The following PAPPA2 variants were observed in gnomAD, a reference collection of about 807,000 sequenced individuals.
PAPPA2 encodes pappalysin-2.
PAPPA2 carries 86 observed loss-of-function variants against 176.4 expected under a neutral mutation model. That is an observed-to-expected ratio of 0.49 (90% confidence interval 0.41 to 0.58). The LOEUF (loss-of-function observed/expected upper bound fraction) is 0.58. PAPPA2 is among the 20% of genes least tolerant of loss of function. PAPPA2 has a pLI of 0.00. For missense variants in PAPPA2, 2,073 were observed against 2,256.9 expected (o/e 0.92, Z 1.65); for synonymous variants, 809 against 852.2 (o/e 0.95, Z 0.88).
chr1:176,586,520 C>A (rs1653320996), intron 2 of PAPPA2, among the ~76,000 whole-genome samples: 1 of 152,126 alleles, frequency 6.6e-6, no homozygotes, highest in Admixed American at 6.5e-5. Flanking sequence ...TCAGCTCCCA[C>A]ATATGAGTGA....
chr1:176,639,226 C>A (rs1341244619), intron 3 of PAPPA2, among the ~76,000 whole-genome samples: 2 of 151,888 alleles, frequency 1.3e-5, no homozygotes, highest in South Asian at 2.1e-4. Context: ...GTTGACCCCC[C>A]TTTTTGTTCC....
At chr1:176,540,366 C>G (rs1042912554) in intron 1 of PAPPA2, among the ~76,000 whole-genome samples, 3 of 152,228 alleles carry the variant, frequency 2.0e-5, no homozygotes, top group African/African-American at 7.2e-5. Context: ...TCAAAAATCA[C>G]TCTGTCTTTG....
chr1:176,670,146 T>C (rs889191962), intron 3 of PAPPA2, among the ~76,000 whole-genome samples: 1 of 152,200 alleles, frequency 6.6e-6, no homozygotes, highest in Non-Finnish European at 1.5e-5. Flanking sequence ...TGGTAAAGTT[T>C]TAAGTTTCAC....
At chr1:176,620,804 G>A (rs1655550734) in intron 3 of PAPPA2, among the ~76,000 whole-genome samples, 1 of 152,192 alleles carries the variant, frequency 6.6e-6, no homozygotes, top group Non-Finnish European at 1.5e-5. Flanking sequence ...AAATCTGTGA[G>A]TGGCTTAGCT....
intron 3 of PAPPA2, among the ~76,000 whole-genome samples, chr1:176,608,148 T>A (rs1258581894): frequency 6.6e-6 from 1 of 152,198 alleles, no homozygotes; most frequent in African/African-American, 2.4e-5. Flanking sequence ...TTTCTTACAA[T>A]GGGAATCTAC....
chr1:176,782,760 T>G (rs1311963278), intron 17 of PAPPA2, among the ~76,000 whole-genome samples: 1 of 152,196 alleles, frequency 6.6e-6, no homozygotes, highest in East Asian at 1.9e-4. Context: ...CAGAAGCAAT[T>G]GAAATATTCT....
intron 2 of PAPPA2, among the ~76,000 whole-genome samples, chr1:176,586,739 G>A (rs1191058197): frequency 2.6e-5 from 4 of 152,162 alleles, no homozygotes. Context: ...TGTAAATAGT[G>A]CTGCAATAAA....
chr1:176,766,369 C>T (rs980631808), intron 15 of PAPPA2, among the ~76,000 whole-genome samples: 8 of 152,176 alleles, frequency 5.3e-5, no homozygotes, highest in Admixed American at 6.5e-5. Flanking sequence ...TCTACAGCAC[C>T]ATTTTCAGAA....
chr1:176,512,587 G>A (rs569691059), intron 1 of PAPPA2, among the ~76,000 whole-genome samples: 2 of 152,234 alleles, frequency 1.3e-5, no homozygotes, highest in Non-Finnish European at 2.9e-5. Context: ...ATCATTGGCC[G>A]TCTGAAACAA....
At chr1:176,722,485 A>G (rs1040604626) in intron 12 of PAPPA2, among the ~76,000 whole-genome samples, 3 of 150,072 alleles carry the variant, frequency 2.0e-5, no homozygotes, top group African/African-American at 7.3e-5. Context: ...GGTCTCAACT[A>G]AAAGCTTGGA....
At position 176,833,202 on chromosome 1, in the gene PAPPA2, AAC is replaced by A. The variant is rs929754792; in HGVS notation, c.5203-6967_5203-6966del. On this transcript the variant is annotated intron_variant, in intron 21 of 22. Transcript: ENST00000367662. ...TGTACAACTTCAACTGTTAGCCGAA[AAC>A]ACAGAAGATCCTTAACGTCTTACTG... Among the ~76,000 whole-genome samples, 18 of 152,346 alleles carry A rather than the reference AAC, an allele frequency of 1.2e-4. 1 individual carries two copies. Among genetic ancestry groups the A allele is most frequent in the Admixed American group, 1.2e-3 (18 of 15,306 alleles).
At chr1:176,747,681 G>A (rs1398315612) in intron 14 of PAPPA2, among the ~76,000 whole-genome samples, 1 of 152,062 alleles carries the variant, frequency 6.6e-6, no homozygotes, top group African/African-American at 2.4e-5. Flanking sequence ...TATAAATATA[G>A]CATCTTACAA....
Position 176,556,471 on chromosome 1 carries a change from G to T in PAPPA2, c.149G>T (p.Cys50Phe), listed in dbSNP as rs1651296080. 6.2e-7 allele frequency: 1 copy of T among 1,614,252 alleles called. No individual in the cohort carries two copies. The highest frequency in any genetic ancestry group is 1.3e-5 in the African/African-American group (1 of 75,070). Residue 50 changes from cysteine to phenylalanine, a missense_variant, in exon 2 of 23, where the codon TGT (cysteine) becomes TTT (phenylalanine). Cys to Phe is a radical substitution (Grantham distance 205). Coordinates refer to ENST00000367662, the MANE Select transcript of PAPPA2 (RefSeq NM_020318.3). Reference sequence around the variant, plus strand: ...CAGGTGCTGTTGGAAGGAGAACGTTGTTGGCTGGGGGCCAAGGTTCGAAGA... The same window carrying T: ...CAGGTGCTGTTGGAAGGAGAACGTTTTTGGCTGGGGGCCAAGGTTCGAAGA... ...LNQVLLEGERCWLGAKVRRPR... is the reference protein window; with the variant it reads ...LNQVLLEGERFWLGAKVRRPR...
At chr1:176,618,779 C>A (rs1163747100) in intron 3 of PAPPA2, among the ~76,000 whole-genome samples, 1 of 152,100 alleles carries the variant, frequency 6.6e-6, no homozygotes, top group African/African-American at 2.4e-5. Flanking sequence ...GATTTGTATT[C>A]ATTGCATCTC....
At chr1:176,575,353 T>A (rs969934658) in intron 2 of PAPPA2, among the ~76,000 whole-genome samples, 3 of 152,216 alleles carry the variant, frequency 2.0e-5, no homozygotes, top group African/African-American at 7.2e-5. Context: ...TATAATTTTT[T>A]AATATAATCA....
At chr1:176,609,035 G>A (rs138267849) in intron 3 of PAPPA2, among the ~76,000 whole-genome samples, 1 of 152,278 alleles carries the variant, frequency 6.6e-6, no homozygotes, top group Non-Finnish European at 1.5e-5. Context: ...TCCAGAATCA[G>A]TGTTACAGAC....
In PAPPA2 at chr1:176,791,397, G is replaced by T. The variant is rs756273427; in HGVS notation, c.4935G>T (p.Leu1645Phe). ...KEGLWTQEFK[L>F]CENLQGECPP... ...GCCTGTGGACCCAGGAGTTTAAGTT[G>T]TGTGAGAATCTGCAAGGAGAATGCC... Residue 1645 changes from leucine to phenylalanine, a missense_variant, in exon 19 of 23, where the codon TTG becomes TTT. Transcript: ENST00000367662. 3 of 1,612,496 alleles carry T rather than the reference G, an allele frequency of 1.9e-6. No individual in the cohort carries two copies. Among genetic ancestry groups the T allele is most frequent in the South Asian group, 2.2e-5 (2 of 91,032 alleles).
chr1:176,824,734 A>G (rs780001389), intron 21 of PAPPA2, among the ~76,000 whole-genome samples: 2 of 152,086 alleles, frequency 1.3e-5, no homozygotes, highest in Non-Finnish European at 2.9e-5. Context: ...CCTTTGTCCC[A>G]TTTTTCCCCA....
At chr1:176,701,130 C>T (rs1056393565) in intron 8 of PAPPA2, among the ~76,000 whole-genome samples, 69 of 152,092 alleles carry the variant, frequency 4.5e-4, no homozygotes, top group African/African-American at 1.6e-3. Flanking sequence ...TGAGGCTTAA[C>T]TTTGATTTGG....
Sources: allele counts gnomAD v4.1 joint callset (sites outside exome capture counted in the v4.1 genomes callset), GRCh38; gene constraint gnomAD v4.1.1; transcripts MANE v1.5; gene names NCBI Gene and HGNC (gene_info 2026-07-23, HGNC 2026-07-21).